GABRR1: variants seen among roughly 807,000 people sequenced by gnomAD.
GABRR1 encodes gamma-aminobutyric acid receptor subunit rho-1.
GABRR1 carries 59 observed loss-of-function variants against 55.5 expected under a neutral mutation model. That is an observed-to-expected ratio of 1.06 (90% confidence interval 0.86 to 1.32). The LOEUF (loss-of-function observed/expected upper bound fraction) is 1.32, where lower values mean the gene tolerates loss of function less well. Ranked by LOEUF, GABRR1 falls within the 40% of genes most tolerant of loss-of-function variation. The pLI is 0.00. For synonymous variants in GABRR1, 213 were observed against 226.0 expected (o/e 0.94, Z 0.51); for missense variants, 602 against 619.1 (o/e 0.97, Z 0.29).
upstream of GABRR1, among the ~76,000 whole-genome samples, chr6:89,218,596 A>G (rs573292472): frequency 2.3e-4 from 35 of 152,248 alleles, no homozygotes; most frequent in South Asian, 6.2e-4. Flanking sequence ...AGTTGTTTGC[A>G]TAGGTTTAGT....
At chr6:89,226,512 T>C (rs892580967) in intron 1 of GABRR1, among the ~76,000 whole-genome samples, 4 of 152,030 alleles carry the variant, frequency 2.6e-5, no homozygotes, top group Non-Finnish European at 5.9e-5. Context: ...CACCATTTTT[T>C]AAACAGGGAA....
chr6:89,196,873 A>AAG (rs1389698035), intron 5 of GABRR1, among the ~76,000 whole-genome samples: 5 of 140,802 alleles, frequency 3.6e-5, no homozygotes, highest in African/African-American at 1.3e-4. Context: ...GAAAGAAAGA[A>AAG]AGAAAGAGAA....
intron 5 of GABRR1, among the ~76,000 whole-genome samples, chr6:89,197,814 G>C (rs1348053482): frequency 6.6e-6 from 1 of 152,164 alleles, no homozygotes; most frequent in Non-Finnish European, 1.5e-5. Flanking sequence ...AATAGTATCA[G>C]TTTGAGAAAT....
At chr6:89,198,900 T>C (rs1054069773) in intron 4 of GABRR1, among the ~76,000 whole-genome samples, 6 of 151,972 alleles carry the variant, frequency 3.9e-5, no homozygotes, top group Admixed American at 2.0e-4. Context: ...CAAACTAAGG[T>C]AGGTCCCTAA....
chr6:89,184,267 A>T (rs2127790467), intron 7 of GABRR1, among the ~76,000 whole-genome samples: 1 of 151,500 alleles, frequency 6.6e-6, no homozygotes, highest in African/African-American at 2.4e-5. Context: ...AAAAAAAAAA[A>T]TTCCTAGACT....
Position 89,177,583 on chromosome 6 carries a change from T to G in GABRR1, c.*1187A>C, listed in dbSNP as rs1301939508. ...TGGGTAAGTTTGGTGGAGGTTGATC[T>G]ATATAGCAGATATATAATATAAATA... On this transcript the variant is annotated 3_prime_UTR_variant, in exon 10 of 10. Transcript: ENST00000454853. 6.6e-6 allele frequency: 1 copy of G among 152,202 alleles called. No individual in the cohort carries two copies. Among genetic ancestry groups the G allele is most frequent in the Non-Finnish European group, 1.5e-5 (1 of 68,052 alleles). 9.4% of individuals were successfully genotyped at this position (152,202 alleles called of 1,614,324 possible).
chr6:89,201,778 CAAAAA>C (rs56035443), intron 2 of GABRR1, among the ~76,000 whole-genome samples: 3 of 134,406 alleles, frequency 2.2e-5, no homozygotes, highest in Non-Finnish European at 1.6e-5. Context: ...GACCCCGTCT[CAAAAA>C]AAAAAAAAAA....
intron 1 of GABRR1, among the ~76,000 whole-genome samples, chr6:89,223,426 C>T (rs558471925): frequency 2.0e-5 from 3 of 152,276 alleles, no homozygotes; most frequent in African/African-American, 4.8e-5. Flanking sequence ...ATATATGCCA[C>T]GGTTTCTTTA....
chr6:89,223,157 A>G (rs1562321022), intron 1 of GABRR1, among the ~76,000 whole-genome samples: 1 of 152,158 alleles, frequency 6.6e-6, no homozygotes, highest in East Asian at 1.9e-4. Context: ...CACCCAAACA[A>G]TATATACTGA....
intron 5 of GABRR1, among the ~76,000 whole-genome samples, chr6:89,190,683 T>TA (rs1395935262): frequency 6.6e-6 from 1 of 152,222 alleles, no homozygotes; most frequent in Non-Finnish European, 1.5e-5. Context: ...AGTGTACACT[T>TA]ACCCCAGTTG....
At chr6:89,184,954 C>T (rs1184427791) in intron 7 of GABRR1, among the ~76,000 whole-genome samples, 2 of 145,450 alleles carry the variant, frequency 1.4e-5, no homozygotes, top group Non-Finnish European at 3.0e-5. Flanking sequence ...GGTGTGATCT[C>T]AGCTCACTGT....
chr6:89,218,136 A>C (rs1773044072), upstream of GABRR1, among the ~76,000 whole-genome samples: 1 of 152,236 alleles, frequency 6.6e-6, no homozygotes, highest in Non-Finnish European at 1.5e-5. Flanking sequence ...ATCAAAAGAC[A>C]GTCTCAGAGC....
At chr6:89,230,983 C>T (rs1773278456) in intron 1 of GABRR1, among the ~76,000 whole-genome samples, 1 of 151,618 alleles carries the variant, frequency 6.6e-6, no homozygotes, top group Non-Finnish European at 1.5e-5. Flanking sequence ...TTTTTTAAGC[C>T]GGTCTGAAAA....
At chr6:89,193,135 G>C in intron 5 of GABRR1, among the ~76,000 whole-genome samples, 1 of 152,200 alleles carries the variant, frequency 6.6e-6, no homozygotes, top group East Asian at 1.9e-4. Context: ...TCCTAGGAAG[G>C]ACAGTGACCT....
At chr6:89,217,117 G>T (rs1394250752) in intron 1 of GABRR1, 84 bp downstream of exon 1, 1 of 1,454,570 alleles carries the variant, frequency 6.9e-7, no homozygotes, top group Non-Finnish European at 9.4e-7. Context: ...CGCTGGAAAT[G>T]ATGCTCAGTT....
rs138457932 is a variant in GABRR1 at position 89,192,410 on chromosome 6, C to A, written c.573-2163G>T. On this transcript the variant is annotated intron_variant, in intron 5 of 9. Coordinates refer to ENST00000454853, the MANE Select transcript of GABRR1 (RefSeq NM_002042.5). ...TCTCTCCCACCTAACTGCACAGTGTCCCAAACTGCAGGCACACACACACCA... is the reference window on the plus strand; with the variant it reads ...TCTCTCCCACCTAACTGCACAGTGTACCAAACTGCAGGCACACACACACCA... Among the ~76,000 whole-genome samples the A allele has an allele frequency of 5.3e-5, 8 of 152,264 alleles. No homozygotes were observed. The East Asian group carries it at 1.5e-3, about 29-fold the overall frequency.
intron 1 of GABRR1, among the ~76,000 whole-genome samples, chr6:89,204,198 T>A (rs1172252736): frequency 6.6e-6 from 1 of 152,252 alleles, no homozygotes; most frequent in Non-Finnish European, 1.5e-5. Context: ...TCGATCATCA[T>A]GAGTTAAGCC....
At chr6:89,215,280 T>C (rs1169038052) in intron 1 of GABRR1, among the ~76,000 whole-genome samples, 1 of 152,242 alleles carries the variant, frequency 6.6e-6, no homozygotes, top group Non-Finnish European at 1.5e-5. Context: ...AGTCAAGTTA[T>C]AGAAACAACC....
At position 89,222,893 on chromosome 6, in the gene GABRR1, A is replaced by G. The variant is rs557225179; in HGVS notation, c.-410-1447T>C. On this transcript the variant is annotated intron_variant, in intron 1 of 11. Coordinates refer to the GABRR1 transcript ENST00000369451. The stretch of plus-strand genomic sequence containing the variant: ...CAGCCCAGCGTTCCACAACAGCTCC[A>G]GCCACAACTGTGGTGCCAAGGATCA... 3.4e-4 allele frequency among the ~76,000 whole-genome samples: 52 copies of G among 152,336 alleles called. 1 individual carries two copies. The highest frequency in any genetic ancestry group is 3.4e-3 in the Middle Eastern group (1 of 294).
Sources: gnomAD v4.1 joint callset for allele counts (sites outside exome capture counted in the v4.1 genomes callset) on GRCh38, gnomAD v4.1.1 for gene constraint, MANE v1.5 for transcripts, NCBI Gene and HGNC (gene_info 2026-07-23, HGNC 2026-07-21) for gene names.